The following PDLIM5 variants were observed in gnomAD, a reference collection of about 807,000 sequenced individuals.
PDLIM5 encodes PDZ and LIM domain 5.
In PDLIM5, 34 loss-of-function variants were observed where a neutral mutation model predicts 64.2. The ratio of observed to expected loss-of-function variants is 0.53; its 90% CI spans 0.40 to 0.71. The LOEUF (loss-of-function observed/expected upper bound fraction) is 0.71. PDLIM5 is among the 30% of genes least tolerant of loss of function. The pLI, the probability that PDLIM5 is intolerant of heterozygous loss-of-function variation, is 0.00. For synonymous variants in PDLIM5, 253 were observed against 269.1 expected (o/e 0.94, Z 0.59); for missense variants, 683 against 733.6 (o/e 0.93, Z 0.80).
At chr4:94,561,189 G>A (rs890436333) in intron 3 of PDLIM5, among the ~76,000 whole-genome samples, 1 of 152,098 alleles carries the variant, frequency 6.6e-6, no homozygotes, top group Non-Finnish European at 1.5e-5. Flanking sequence ...ACAGATTTTC[G>A]GAATGAGGAA....
chr4:94,640,500 G>GGT, intron 9 of PDLIM5, 50 bp downstream of exon 9: 2 of 751,192 alleles, frequency 2.7e-6, no homozygotes, highest in Non-Finnish European at 4.1e-6. Context: ...TCAATGTTGG[G>GGT]TTTTTTTTTT....
At chr4:94,579,464 G>A (rs1735560971) in intron 5 of PDLIM5, 2 of 893,218 alleles carry the variant, frequency 2.2e-6, no homozygotes, top group East Asian at 5.6e-5. Flanking sequence ...CCTGGCCTTG[G>A]AAGATTAAAA....
At chr4:94,562,286 T>TC (rs1733916573) in intron 3 of PDLIM5, among the ~76,000 whole-genome samples, 1 of 152,064 alleles carries the variant, frequency 6.6e-6, no homozygotes, top group East Asian at 1.9e-4. Flanking sequence ...CAGCATCCTT[T>TC]CCCCCAAGCT....
intron 7 of PDLIM5, among the ~76,000 whole-genome samples, chr4:94,614,088 G>A (rs1002858301): frequency 3.3e-5 from 5 of 150,298 alleles, no homozygotes; most frequent in Non-Finnish European, 4.4e-5. Flanking sequence ...TCAGCCTCCC[G>A]AGTAGCTGGG....
chr4:94,662,645 G>A, intron 12 of PDLIM5, 108 bp downstream of exon 12: 2 of 485,864 alleles, frequency 4.1e-6, no homozygotes, highest in South Asian at 4.1e-5. Flanking sequence ...TCAAACCTAA[G>A]GAAAAATTAT....
Position 94,523,890 on chromosome 4 carries a change from G to C in PDLIM5, c.248+15G>C. The C allele has an allele frequency of 2.5e-6, 4 of 1,601,232 alleles. No individual in the cohort carries two copies. Among genetic ancestry groups the C allele is most frequent in the Non-Finnish European group, 3.4e-6 (4 of 1,170,322 alleles). On this transcript the variant is annotated intron_variant, in intron 3 of 12. Coordinates refer to ENST00000317968, the MANE Select transcript of PDLIM5 (RefSeq NM_006457.5). ...ACTCTGCAAAGGTAAGTTGCTTTTT[G>C]TTTGTCCCTGAAAGAGAAAACAACA...
chr4:94,664,026 A>G lies in PDLIM5; in HGVS notation c.1750A>G (p.Lys584Glu). 6.2e-7 allele frequency: 1 copy of G among 1,609,026 alleles called. No homozygotes were observed. The highest frequency in any genetic ancestry group is 8.5e-7 in the Non-Finnish European group (1 of 1,176,534). The change falls in exon 13 of 13, where the codon AAG becomes GAG. Residue 584 changes from lysine (K) to glutamate (E), a missense_variant. By Grantham distance (56) the Lys-to-Glu change is moderately conservative. Coordinates refer to ENST00000317968, the MANE Select transcript of PDLIM5 (RefSeq NM_006457.5). Reference sequence around the variant, plus strand: ...TCAGACCTTTTTCTCCAAGAAGGACAAGCCCCTGTGTAAGAAACATGCTCA... The same window carrying G: ...TCAGACCTTTTTCTCCAAGAAGGACGAGCCCCTGTGTAAGAAACATGCTCA... ...EGQTFFSKKD[K>E]PLCKKHAHSV...
intron 2 of PDLIM5, among the ~76,000 whole-genome samples, chr4:94,469,677 G>C (rs1471964680): frequency 2.0e-5 from 3 of 152,178 alleles, no homozygotes; most frequent in Non-Finnish European, 4.4e-5. Flanking sequence ...CTCTGGATTA[G>C]AGCTGAGCTA....
At chr4:94,637,711 G>C (rs1740681708) in intron 8 of PDLIM5, among the ~76,000 whole-genome samples, 1 of 152,176 alleles carries the variant, frequency 6.6e-6, no homozygotes, top group Admixed American at 6.5e-5. Context: ...CTTATTGAGG[G>C]ACTTGACTTT....
chr4:94,638,791 T>C (rs1740774991), intron 8 of PDLIM5, among the ~76,000 whole-genome samples: 1 of 152,250 alleles, frequency 6.6e-6, no homozygotes, highest in Non-Finnish European at 1.5e-5. Context: ...CTCACTGTTT[T>C]CTCATTCATT....
At chr4:94,456,727 T>A in intron 2 of PDLIM5, 1 of 1,283,818 alleles carries the variant, frequency 7.8e-7, no homozygotes, top group Non-Finnish European at 9.8e-7. Flanking sequence ...TATGTGAATA[T>A]ATGTATCTAC....
At chr4:94,658,234 G>A (rs1186182859) in intron 11 of PDLIM5, among the ~76,000 whole-genome samples, 1 of 152,154 alleles carries the variant, frequency 6.6e-6, no homozygotes, top group Admixed American at 6.5e-5. Flanking sequence ...CCTTTAAGGC[G>A]ACTGCCTTGA....
intron 8 of PDLIM5, among the ~76,000 whole-genome samples, chr4:94,628,951 C>T (rs1032528985): frequency 2.0e-5 from 3 of 151,484 alleles, no homozygotes; most frequent in African/African-American, 7.3e-5. Flanking sequence ...TTTTTTATTT[C>T]TTTTCCTTTT....
chr4:94,485,861 A>AAAG (rs1726279286), intron 2 of PDLIM5, among the ~76,000 whole-genome samples: 1 of 151,766 alleles, frequency 6.6e-6, no homozygotes, highest in African/African-American at 2.4e-5. Context: ...AAAAAAAAAA[A>AAAG]AAAAAGAAAA....
chr4:94,581,873 T>A (rs1260881668), intron 5 of PDLIM5, among the ~76,000 whole-genome samples: 1 of 152,202 alleles, frequency 6.6e-6, no homozygotes, highest in Non-Finnish European at 1.5e-5. Flanking sequence ...CCACTTCAGG[T>A]GTCACTAACT....
rs1190580727 is a variant in PDLIM5 at position 94,618,244 on chromosome 4, A to C, written c.1108+53A>C. On this transcript the variant is annotated intron_variant, in intron 8 of 12. Transcript: ENST00000317968. Reference sequence around the variant, plus strand: ...GCTTTTCGTAATGAGTTTCATTATGAAAATGTGTTCTGGGATATATGGTAG... The same window carrying C: ...GCTTTTCGTAATGAGTTTCATTATGCAAATGTGTTCTGGGATATATGGTAG... 4 of 1,260,380 alleles carry C rather than the reference A, an allele frequency of 3.2e-6. No homozygotes were observed. The East Asian group carries it at 9.8e-5, about 31-fold the overall frequency. 78.1% of individuals were successfully genotyped at this position (1,260,380 alleles called of 1,614,324 possible).
intron 2 of PDLIM5, among the ~76,000 whole-genome samples, chr4:94,514,159 G>A (rs1729152153): frequency 1.4e-5 from 2 of 145,104 alleles, no homozygotes; most frequent in South Asian, 2.2e-4. Flanking sequence ...TTTTGAGACG[G>A]AGTCTTACGT....
Position 94,614,135 on chromosome 4 carries a change from G to A in PDLIM5, c.921-3869G>A, listed in dbSNP as rs543712074. Among the ~76,000 whole-genome samples, 583 of 152,052 alleles carry A rather than the reference G, an allele frequency of 3.8e-3. 6 individuals are homozygous for A. Among genetic ancestry groups the A allele is most frequent in the African/African-American group, 0.013 (548 of 41,500 alleles). On this transcript the variant is annotated intron_variant, in intron 7 of 12. Coordinates refer to ENST00000317968, the MANE Select transcript of PDLIM5 (RefSeq NM_006457.5). ...GCACCACCACACCCAGCTAATTTTT[G>A]TATTTTTAGTAGAGACGGGGTTTCA...
chr4:94,588,563 CTAAATAAA>C (rs70946537), intron 7 of PDLIM5, among the ~76,000 whole-genome samples: 27,660 of 145,826 alleles, frequency 0.19, 2,745 homozygotes, highest in African/African-American at 0.24. Context: ...AACTCCATCT[CTAAATAAA>C]TAAATAAATA....
Sources: allele counts gnomAD v4.1 joint callset (sites outside exome capture counted in the v4.1 genomes callset), GRCh38; gene constraint gnomAD v4.1.1; transcripts MANE v1.5; gene names NCBI Gene and HGNC (gene_info 2026-07-23, HGNC 2026-07-21).